Variants in KCNIP1 observed in about 807,000 individuals in gnomAD.
KCNIP1 encodes the protein A-type potassium channel modulatory protein KCNIP1.
A neutral mutation model predicts 33.0 loss-of-function variants in KCNIP1; 18 were observed. That is an observed-to-expected ratio of 0.55 (90% CI 0.38 to 0.81). The LOEUF (loss-of-function observed/expected upper bound fraction) is 0.81, where lower values mean the gene tolerates loss of function less well. KCNIP1 is among the 30% of genes least tolerant of loss of function. KCNIP1 has a pLI of 0.00. For synonymous variants in KCNIP1, 93 were observed against 98.3 expected (o/e 0.95, Z 0.32); for missense variants, 238 against 271.6 (o/e 0.88, Z 0.87).
intron 1 of KCNIP1, chr5:170,422,947 A>T (rs1423432900): frequency 6.6e-6 from 1 of 152,266 alleles, no homozygotes; most frequent in Non-Finnish European, 1.5e-5. Context: ...TCAGCTGAGC[A>T]TGGTGGCATG....
At chr5:170,392,266 C>G (rs1407241635) in intron 1 of KCNIP1, among the ~76,000 whole-genome samples, 1 of 152,176 alleles carries the variant, frequency 6.6e-6, no homozygotes, top group Non-Finnish European at 1.5e-5. Flanking sequence ...GCTGAGGCCT[C>G]AGAGAATGTG....
At chr5:170,550,694 T>C (rs561572886) in intron 1 of KCNIP1, among the ~76,000 whole-genome samples, 2 of 152,214 alleles carry the variant, frequency 1.3e-5, no homozygotes, top group Admixed American at 1.3e-4. Flanking sequence ...ATGATGGTGA[T>C]GACAATGATG....
At chr5:170,478,003 CA>C (rs1343011179) in intron 1 of KCNIP1, among the ~76,000 whole-genome samples, 6 of 152,068 alleles carry the variant, frequency 3.9e-5, no homozygotes, top group Non-Finnish European at 4.4e-5. Context: ...GGGGAGGTGT[CA>C]GGGGAGGGTT....
At chr5:170,554,111 T>C (rs1756756535) in intron 1 of KCNIP1, among the ~76,000 whole-genome samples, 1 of 152,116 alleles carries the variant, frequency 6.6e-6, no homozygotes, top group East Asian at 1.9e-4. Flanking sequence ...CATAAGAACC[T>C]GGATGGACAG....
chr5:170,496,889 C>A (rs1484521144), intron 1 of KCNIP1, among the ~76,000 whole-genome samples: 2 of 152,156 alleles, frequency 1.3e-5, no homozygotes, highest in East Asian at 3.8e-4. Flanking sequence ...CCTTTCTACC[C>A]AGCTCCACCC....
chr5:170,432,860 A>G (rs951085906), intron 1 of KCNIP1, among the ~76,000 whole-genome samples: 2 of 152,260 alleles, frequency 1.3e-5, no homozygotes, highest in Non-Finnish European at 1.5e-5. Flanking sequence ...TGACCAGAAG[A>G]ATAAATATAA....
intron 1 of KCNIP1, among the ~76,000 whole-genome samples, chr5:170,488,029 C>T (rs1216382062): frequency 1.3e-5 from 2 of 152,152 alleles, no homozygotes; most frequent in Non-Finnish European, 2.9e-5. Flanking sequence ...GCACCCTGTC[C>T]CACCTCAAAC....
intron 1 of KCNIP1, among the ~76,000 whole-genome samples, chr5:170,668,422 C>T (rs1459513268): frequency 6.6e-6 from 1 of 152,204 alleles, no homozygotes; most frequent in African/African-American, 2.4e-5. Context: ...TGACACAGGA[C>T]AGGTGGCTTG....
chr5:170,721,956 C>T (rs1306619780), intron 4 of KCNIP1, 53 bp downstream of exon 4: 3 of 1,597,142 alleles, frequency 1.9e-6, no homozygotes, highest in African/African-American at 2.7e-5. Context: ...CATCACCTCC[C>T]CCTCTAAATC....
chr5:170,673,016 G>T (rs541863617), intron 1 of KCNIP1, among the ~76,000 whole-genome samples: 1 of 152,184 alleles, frequency 6.6e-6, no homozygotes, highest in African/African-American at 2.4e-5. Context: ...GATCATCCTG[G>T]ACTATCTATT....
At chr5:170,442,049 A>G (rs905453700) in intron 1 of KCNIP1, among the ~76,000 whole-genome samples, 1 of 151,494 alleles carries the variant, frequency 6.6e-6, no homozygotes, top group African/African-American at 2.4e-5. Flanking sequence ...GGAAGCCACC[A>G]CTCAGTGCCC....
At chr5:170,367,400 A>AG (rs369530794) in intron 1 of KCNIP1, among the ~76,000 whole-genome samples, 3 of 128,228 alleles carry the variant, frequency 2.3e-5, no homozygotes, top group African/African-American at 9.4e-5. Context: ...AAAGAAAGAA[A>AG]GAAAGAAAGA....
intron 1 of KCNIP1, among the ~76,000 whole-genome samples, chr5:170,418,077 T>G (rs1036965424): frequency 1.1e-4 from 17 of 152,310 alleles, no homozygotes; most frequent in African/African-American, 3.8e-4. Flanking sequence ...TCCTTTAATT[T>G]TTTACATCTC....
intron 1 of KCNIP1, among the ~76,000 whole-genome samples, chr5:170,583,653 T>C (rs1581358173): frequency 6.6e-6 from 1 of 152,236 alleles, no homozygotes; most frequent in East Asian, 1.9e-4. Flanking sequence ...GTTTAGGCTC[T>C]TGAGGCTCAA....
At chr5:170,627,055 C>T (rs1165123266) in intron 1 of KCNIP1, among the ~76,000 whole-genome samples, 4 of 152,136 alleles carry the variant, frequency 2.6e-5, no homozygotes, top group African/African-American at 9.7e-5. Flanking sequence ...GGCCAGCATC[C>T]GTGTCTTTCC....
chr5:170,666,220 G>C (rs1241727895), intron 1 of KCNIP1, among the ~76,000 whole-genome samples: 1 of 152,188 alleles, frequency 6.6e-6, no homozygotes, highest in Non-Finnish European at 1.5e-5. Flanking sequence ...TAATCCAATA[G>C]TATTTTACTT....
At chr5:170,442,587 G>A (rs1399843263) in intron 1 of KCNIP1, among the ~76,000 whole-genome samples, 1 of 152,008 alleles carries the variant, frequency 6.6e-6, no homozygotes, top group African/African-American at 2.4e-5. Flanking sequence ...TGGGGACCAC[G>A]CAGGACTCTC....
Position 170,643,717 on chromosome 5 carries a change from C to T in KCNIP1, c.62-75041C>T, listed in dbSNP as rs143479668. 5.4e-3 allele frequency among the ~76,000 whole-genome samples: 829 copies of T among 152,338 alleles called. 6 individuals are homozygous for T. Among genetic ancestry groups the T allele is most frequent in the Non-Finnish European group, 8.3e-3 (562 of 68,018 alleles). On this transcript the variant is annotated intron_variant, in intron 1 of 7. Transcript: ENST00000328939. ...CAGTATGTGGCCTCTGTGTCTTCTT[C>T]GCCCTCCATCCCCACAGTGGGACGA...
At chr5:170,513,494 A>G (rs1398628241) in intron 1 of KCNIP1, among the ~76,000 whole-genome samples, 2 of 152,220 alleles carry the variant, frequency 1.3e-5, no homozygotes, top group African/African-American at 4.8e-5. Context: ...TAGTTTACTC[A>G]TTTTAAATGT....
Sources: allele counts gnomAD v4.1 joint callset (sites outside exome capture counted in the v4.1 genomes callset), GRCh38; gene constraint gnomAD v4.1.1; transcripts MANE v1.5; gene names NCBI Gene and HGNC (gene_info 2026-07-23, HGNC 2026-07-21).